BAZ2B: variants seen among roughly 807,000 people sequenced by gnomAD.
BAZ2B encodes the protein bromodomain adjacent to zinc finger domain 2B.
Under a neutral mutation model 246.0 loss-of-function variants are expected in BAZ2B, and 91 were observed. That is an observed-to-expected ratio of 0.37 (90% confidence interval 0.31 to 0.44). The LOEUF (loss-of-function observed/expected upper bound fraction) is 0.44. Among genes scored for constraint, BAZ2B ranks in the 20% least tolerant of loss-of-function variants. BAZ2B has a pLI of 1.00. For synonymous variants in BAZ2B, 855 were observed against 860.0 expected, an observed-to-expected ratio of 0.99 and a Z score of 0.10; for missense variants, 2,332 against 2,533.7, an observed-to-expected ratio of 0.92 and a Z score of 1.71.
intron 27 of BAZ2B, among the ~76,000 whole-genome samples, chr2:159,358,871 T>G (rs953018929): frequency 1.3e-5 from 2 of 151,996 alleles, no homozygotes; most frequent in African/African-American, 4.8e-5. Flanking sequence ...ACTGGGTAAA[T>G]AACGAAATGA....
At chr2:159,677,773 A>C in the BAZ2B span, among the ~76,000 whole-genome samples, 1 of 152,178 alleles carries the variant, frequency 6.6e-6, no homozygotes, top group Non-Finnish European at 1.5e-5. Flanking sequence ...AGATTACTAT[A>C]ACATTTAGGA....
At chr2:159,701,150 TAAA>T in the BAZ2B span, among the ~76,000 whole-genome samples, 2 of 152,144 alleles carry the variant, frequency 1.3e-5, no homozygotes, top group African/African-American at 4.8e-5. Flanking sequence ...TCAATGGAAA[TAAA>T]AAAGTTTTAA....
chr2:159,485,454 T>C (rs1054864572), intron 2 of BAZ2B, among the ~76,000 whole-genome samples: 19 of 152,294 alleles, frequency 1.2e-4, no homozygotes, highest in African/African-American at 4.6e-4. Flanking sequence ...TGGTTTAAAA[T>C]GTGAATATGT....
At chr2:159,656,918 T>G in the BAZ2B span, among the ~76,000 whole-genome samples, 1 of 152,160 alleles carries the variant, frequency 6.6e-6, no homozygotes, top group African/African-American at 2.4e-5. Flanking sequence ...TTGCAAATAT[T>G]TTCTCCCACT....
the BAZ2B span, chr2:159,712,257 C>G: frequency 2.6e-5 from 4 of 152,262 alleles, no homozygotes; most frequent in African/African-American, 7.2e-5. Context: ...CGCCCGGCGC[C>G]CGCACACTCG....
intron 1 of BAZ2B, among the ~76,000 whole-genome samples, chr2:159,580,934 T>C (rs1445778423): frequency 6.6e-6 from 1 of 152,188 alleles, no homozygotes; most frequent in Non-Finnish European, 1.5e-5. Flanking sequence ...GATTAAAGAC[T>C]TAAATGTCAG....
chr2:159,613,742 T>C (rs754019284), intron 1 of BAZ2B, among the ~76,000 whole-genome samples: 9 of 152,180 alleles, frequency 5.9e-5, no homozygotes, highest in Non-Finnish European at 8.8e-5. Context: ...CTTTGTTGCA[T>C]GTATAATTTA....
At chr2:159,539,457 G>A (rs2086397894) in intron 2 of BAZ2B, among the ~76,000 whole-genome samples, 2 of 152,296 alleles carry the variant, frequency 1.3e-5, no homozygotes, top group East Asian at 3.9e-4. Flanking sequence ...TTATAATAAT[G>A]CTTTAATACC....
chr2:159,360,474 A>G (rs577793992), intron 27 of BAZ2B, among the ~76,000 whole-genome samples: 60 of 152,338 alleles, frequency 3.9e-4, no homozygotes, highest in African/African-American at 1.4e-3. Flanking sequence ...CAAATGAAAA[A>G]CATTCCATGC....
intron 2 of BAZ2B, among the ~76,000 whole-genome samples, chr2:159,552,222 T>C (rs1398026609): frequency 6.6e-6 from 1 of 152,142 alleles, no homozygotes; most frequent in Non-Finnish European, 1.5e-5. Flanking sequence ...TAAAAGAACA[T>C]TATATTAATA....
chr2:159,377,708 G>A (rs1248187617), intron 25 of BAZ2B, among the ~76,000 whole-genome samples: 1 of 151,538 alleles, frequency 6.6e-6, no homozygotes, highest in Non-Finnish European at 1.5e-5. Flanking sequence ...AGCTACTCGG[G>A]AGGCTGAGGC....
intron 6 of BAZ2B, among the ~76,000 whole-genome samples, chr2:159,445,071 C>T (rs1005414697): frequency 6.6e-6 from 1 of 152,180 alleles, no homozygotes; most frequent in African/African-American, 2.4e-5. Context: ...TGATGACCTA[C>T]ATTTTATAAA....
intron 3 of BAZ2B, 143 bp downstream of exon 3, chr2:159,478,432 G>A: frequency 1.2e-6 from 1 of 815,934 alleles, no homozygotes. Flanking sequence ...TCCTGAAAAA[G>A]CAAAAAGACT....
At chr2:159,418,511 T>C (rs1177226678) in intron 13 of BAZ2B, among the ~76,000 whole-genome samples, 1 of 152,204 alleles carries the variant, frequency 6.6e-6, no homozygotes, top group Non-Finnish European at 1.5e-5. Context: ...TAATGGGATG[T>C]GTTCTCAAGT....
chr2:159,439,090 T>C lies in BAZ2B; in HGVS notation c.819A>G (p.Glu273=). Residue 273 remains glutamate, a synonymous_variant, in exon 7 of 37, where the codon GAA becomes GAG. Transcript: ENST00000392783. Reference sequence around the variant, plus strand: ...TTTCTTCAATACTTTGATCTTCTTCTTCTTCATCTTCTTCTAGATCATCTG... The same window carrying C: ...TTTCTTCAATACTTTGATCTTCTTCCTCTTCATCTTCTTCTAGATCATCTG... ...SDSDDLEEDE[E]EEDQSIEESE... is the part of the protein sequence containing the mutation. The C allele has an allele frequency of 6.2e-7, 1 of 1,613,926 alleles. No individual in the cohort carries two copies. The highest frequency in any genetic ancestry group is 1.1e-5 in the South Asian group (1 of 91,080).
chr2:159,478,836 T>C (rs2078928431), intron 2 of BAZ2B, 115 bp from the exon 3 acceptor site: 8 of 763,044 alleles, frequency 1.0e-5, no homozygotes, highest in Non-Finnish European at 1.5e-5. Flanking sequence ...TAAATACATG[T>C]TCTTTGGAAA....
intron 31 of BAZ2B, among the ~76,000 whole-genome samples, chr2:159,346,730 C>G (rs1173054947): frequency 1.3e-5 from 2 of 152,038 alleles, no homozygotes; most frequent in African/African-American, 4.8e-5. Context: ...CAAACCAAAA[C>G]AGAACCTTAG....
chr2:159,400,726 G>A lies in BAZ2B; in HGVS notation c.2833-62C>T, dbSNP rs971649745. 3.0e-6 allele frequency: 3 copies of A among 993,810 alleles called. No individual in the cohort carries two copies. In the African/African-American group the frequency reaches 5.0e-5, roughly 16 times the overall value. The allele number at this position is 993,810 out of a possible 1,614,324, so 61.6% of individuals were successfully genotyped here. On this transcript the variant is annotated intron_variant, in intron 16 of 36. Coordinates refer to ENST00000392783, the MANE Select transcript of BAZ2B (RefSeq NM_013450.4). ...TAAACTATCTGAGTAAAGAGTATTT[G>A]AGTGGAATCAAATAATTAAAAATAT...
intron 24 of BAZ2B, among the ~76,000 whole-genome samples, chr2:159,383,069 T>C (rs2062195519): frequency 6.6e-6 from 1 of 152,098 alleles, no homozygotes; most frequent in Non-Finnish European, 1.5e-5. Flanking sequence ...AGAAGAATTC[T>C]AACAATGGCT....
Sources: gnomAD v4.1 joint callset for allele counts (sites outside exome capture counted in the v4.1 genomes callset) on GRCh38, gnomAD v4.1.1 for gene constraint, MANE v1.5 for transcripts, NCBI Gene and HGNC (gene_info 2026-07-23, HGNC 2026-07-21) for gene names.